NYAP2: variants seen among roughly 807,000 people sequenced by gnomAD.
NYAP2 encodes the protein neuronal tyrosine-phosphorylated phosphoinositide-3-kinase adaptor 2, also known as neuronal tyrosine-phosphorylated phosphoinositide-3-kinase adapter 2.
A neutral mutation model predicts 50.4 loss-of-function variants in NYAP2; 23 were observed. The observed-to-expected ratio is 0.46, with a 90% CI of 0.33 to 0.65. The LOEUF is 0.65. Among genes scored for constraint, NYAP2 ranks in the 30% least tolerant of loss-of-function variants. The pLI is 0.02. For synonymous variants in NYAP2, 394 were observed against 365.2 expected, an observed-to-expected ratio of 1.08 and a Z score of -0.90; for missense variants, 885 against 861.0, an observed-to-expected ratio of 1.03 and a Z score of -0.35.
the NYAP2 span, chr2:225,699,009 T>C: frequency 6.6e-6 from 1 of 151,944 alleles, no homozygotes; most frequent in Admixed American, 6.6e-5. Context: ...AATCACGTAA[T>C]ATATGATCTG....
At chr2:225,609,161 C>T (rs1273021274) in intron 5 of NYAP2, among the ~76,000 whole-genome samples, 4 of 152,100 alleles carry the variant, frequency 2.6e-5, no homozygotes, top group Non-Finnish European at 5.9e-5. Context: ...ACAGCTGCTA[C>T]ATAATTTTAA....
At chr2:225,675,831 A>T in the NYAP2 span, among the ~76,000 whole-genome samples, 1 of 152,154 alleles carries the variant, frequency 6.6e-6, no homozygotes, top group South Asian at 2.1e-4. Flanking sequence ...TTTAATAGTC[A>T]CCATTCCAAT....
chr2:225,556,447 T>G (rs1691777174), intron 4 of NYAP2, among the ~76,000 whole-genome samples: 1 of 152,172 alleles, frequency 6.6e-6, no homozygotes, highest in South Asian at 2.1e-4. Context: ...ACGTGGGTGT[T>G]TTTGGTCTGG....
chr2:225,645,602 C>T (rs1321812609), intron 6 of NYAP2, among the ~76,000 whole-genome samples: 1 of 152,102 alleles, frequency 6.6e-6, no homozygotes, highest in Non-Finnish European at 1.5e-5. Context: ...TGGGATGATA[C>T]TAGAAGAGTT....
exon 6 of NYAP2, chr2:225,627,039 G>A (rs1693222793): frequency 2.5e-6 from 4 of 1,597,504 alleles, no homozygotes; most frequent in Non-Finnish European, 3.4e-6. Context: ...TCAGGAATGG[G>A]ATGGAACACC....
chr2:225,579,981 C>A (rs1272159178), intron 4 of NYAP2, among the ~76,000 whole-genome samples: 1 of 152,194 alleles, frequency 6.6e-6, no homozygotes, highest in African/African-American at 2.4e-5. Flanking sequence ...CTTAGGTTAA[C>A]CCTCCCTTCA....
At chr2:225,465,083 T>C (rs1313255656) in intron 3 of NYAP2, among the ~76,000 whole-genome samples, 1 of 152,212 alleles carries the variant, frequency 6.6e-6, no homozygotes, top group East Asian at 1.9e-4. Flanking sequence ...CATTTTTAAG[T>C]ATCTAAAAGA....
downstream of NYAP2, among the ~76,000 whole-genome samples, chr2:225,658,700 A>G (rs1218003320): frequency 6.6e-6 from 1 of 152,226 alleles, no homozygotes; most frequent in Non-Finnish European, 1.5e-5. Flanking sequence ...GGCACTCTCT[A>G]TGAGCTTTAA....
intron 3 of NYAP2, among the ~76,000 whole-genome samples, chr2:225,457,355 T>C (rs1689755861): frequency 6.6e-6 from 1 of 152,216 alleles, no homozygotes; most frequent in African/African-American, 2.4e-5. Context: ...TTCACCTTCA[T>C]TGAAGGGCAG....
chr2:225,517,002 G>A (rs1234078085), intron 4 of NYAP2, among the ~76,000 whole-genome samples: 5 of 151,894 alleles, frequency 3.3e-5, no homozygotes, highest in Middle Eastern at 3.4e-3. Flanking sequence ...GTGGATAAAA[G>A]TAAAAAGAAC....
rs564313495 is a variant in NYAP2 at position 225,407,747 on chromosome 2, C to T, written c.-17-1117C>T. On this transcript the variant is annotated intron_variant, in intron 2 of 6. Transcript: ENST00000636099. ...TAACTTTTGAATGGAGAAATTTTTC[C>T]CCTTGTTAATTGACTTTGCTTTTGG... 2.2e-4 allele frequency among the ~76,000 whole-genome samples: 34 copies of T among 151,824 alleles called. 1 individual carries two copies. The highest frequency in any genetic ancestry group is 7.0e-4 in the African/African-American group (29 of 41,450).
chr2:225,482,038 A>G (rs1010925590), intron 3 of NYAP2, among the ~76,000 whole-genome samples: 1 of 152,184 alleles, frequency 6.6e-6, no homozygotes, highest in Non-Finnish European at 1.5e-5. Context: ...TACTGTAATG[A>G]GAGTAGAATT....
At chr2:225,502,396 GAGA>G (rs1690622591) in intron 3 of NYAP2, among the ~76,000 whole-genome samples, 1 of 152,304 alleles carries the variant, frequency 6.6e-6, no homozygotes, top group East Asian at 1.9e-4. Flanking sequence ...GAAGGAAATA[GAGA>G]AGAATGTCAT....
the NYAP2 span, among the ~76,000 whole-genome samples, chr2:225,681,906 G>A: frequency 6.6e-6 from 1 of 152,172 alleles, no homozygotes; most frequent in African/African-American, 2.4e-5. Flanking sequence ...AGTATGAGGA[G>A]TAAATAGGTT....
the NYAP2 span, among the ~76,000 whole-genome samples, chr2:225,674,418 A>G: frequency 1.3e-5 from 2 of 152,110 alleles, no homozygotes; most frequent in African/African-American, 4.8e-5. Context: ...CTGTGGCTGT[A>G]GGAAGGGTTA....
chr2:225,483,702 A>G (rs528394273), intron 3 of NYAP2, among the ~76,000 whole-genome samples: 2 of 152,344 alleles, frequency 1.3e-5, no homozygotes, highest in South Asian at 2.1e-4. Context: ...TACAGGGAGA[A>G]TGGAAAGTTT....
intron 5 of NYAP2, among the ~76,000 whole-genome samples, chr2:225,601,123 G>GTTTT (rs71410364): frequency 1.5e-5 from 2 of 136,900 alleles, no homozygotes; most frequent in South Asian, 2.3e-4. Context: ...CTGTGTTTAA[G>GTTTT]TTTTTTTTTT....
intron 5 of NYAP2, among the ~76,000 whole-genome samples, chr2:225,586,045 G>A (rs1396236766): frequency 6.6e-6 from 1 of 152,132 alleles, no homozygotes; most frequent in Non-Finnish European, 1.5e-5. Flanking sequence ...AAGCAAAACT[G>A]ATATCTCTAT....
intron 3 of NYAP2, among the ~76,000 whole-genome samples, chr2:225,506,652 G>A (rs1318357557): frequency 6.6e-6 from 1 of 152,198 alleles, no homozygotes; most frequent in Non-Finnish European, 1.5e-5. Flanking sequence ...GAAGGCAACA[G>A]GGAGGCAGCA....
Sources: allele counts gnomAD v4.1 joint callset (sites outside exome capture counted in the v4.1 genomes callset), GRCh38; gene constraint gnomAD v4.1.1; transcripts MANE v1.5; gene names NCBI Gene and HGNC (gene_info 2026-07-23, HGNC 2026-07-21).